SPRR2G: variants seen among roughly 807,000 people sequenced by gnomAD.
SPRR2G encodes the protein small proline-rich protein 2G.
In SPRR2G, 1 loss-of-function variant was observed where a neutral mutation model predicts 0.7. The observed-to-expected ratio is 1.49, with a 90% CI of 0.53 to 7.06. The LOEUF is 7.06. Ranked by LOEUF, SPRR2G falls within the 30% of genes most tolerant of loss-of-function variation. SPRR2G has a pLI of 0.14. For synonymous variants in SPRR2G, 38 were observed against 33.9 expected, an observed-to-expected ratio of 1.12 and a Z score of -0.42; for missense variants, 96 against 88.5, an observed-to-expected ratio of 1.09 and a Z score of -0.34.
the SPRR2G span, among the ~76,000 whole-genome samples, chr1:153,174,962 G>A: frequency 4.2e-4 from 64 of 152,284 alleles, no homozygotes; most frequent in African/African-American, 1.5e-3. Flanking sequence ...TCAGGCAGCA[G>A]GCTGTACCCT....
the SPRR2G span, among the ~76,000 whole-genome samples, chr1:153,165,795 C>A: frequency 6.6e-6 from 1 of 152,152 alleles, no homozygotes; most frequent in African/African-American, 2.4e-5. Flanking sequence ...TTATTTCAGT[C>A]CTTCTGGTGT....
the SPRR2G span, among the ~76,000 whole-genome samples, chr1:153,194,294 T>G: frequency 6.6e-6 from 1 of 152,102 alleles, no homozygotes; most frequent in Non-Finnish European, 1.5e-5. Flanking sequence ...ATAGAATATA[T>G]CAAAACACAG....
chr1:153,189,556 T>C, the SPRR2G span, among the ~76,000 whole-genome samples: 1 of 152,208 alleles, frequency 6.6e-6, no homozygotes, highest in African/African-American at 2.4e-5. Flanking sequence ...TATCTGTTGA[T>C]AGTTTCCATC....
the SPRR2G span, among the ~76,000 whole-genome samples, chr1:153,181,942 G>A: frequency 6.6e-6 from 1 of 152,014 alleles, no homozygotes; most frequent in African/African-American, 2.4e-5. Context: ...ATACTTAGTA[G>A]TGGGATTGCA....
chr1:153,197,704 G>A, the SPRR2G span, among the ~76,000 whole-genome samples: 1 of 152,188 alleles, frequency 6.6e-6, no homozygotes, highest in Non-Finnish European at 1.5e-5. Context: ...CATGTTCAGA[G>A]ATGGTATCTC....
At chr1:153,193,027 A>G in the SPRR2G span, among the ~76,000 whole-genome samples, 2 of 152,088 alleles carry the variant, frequency 1.3e-5, no homozygotes, top group Admixed American at 1.3e-4. Context: ...ATTTTGAGAG[A>G]TTAGGTAAAC....
upstream of SPRR2G, among the ~76,000 whole-genome samples, chr1:153,151,477 G>GA (rs1489800087): frequency 2.0e-5 from 3 of 152,150 alleles, no homozygotes; most frequent in African/African-American, 2.4e-5. Context: ...TAATGGGCTT[G>GA]AACAAGGCAA....
chr1:153,174,316 G>A, the SPRR2G span, among the ~76,000 whole-genome samples: 10 of 152,274 alleles, frequency 6.6e-5, no homozygotes, highest in African/African-American at 2.4e-4. Context: ...CAGAAAAAGG[G>A]TTTATTAAAA....
chr1:153,151,261 A>G (rs1175635497), upstream of SPRR2G, among the ~76,000 whole-genome samples: 4 of 152,226 alleles, frequency 2.6e-5, no homozygotes, highest in Non-Finnish European at 4.4e-5. Context: ...TCTCTTTAGT[A>G]GAGACCAGTA....
the SPRR2G span, among the ~76,000 whole-genome samples, chr1:153,160,663 C>T: frequency 1.3e-5 from 2 of 152,068 alleles, no homozygotes; most frequent in Non-Finnish European, 2.9e-5. Context: ...CTAGTTCAAC[C>T]ATTGTGGAAG....
At chr1:153,199,738 GT>G in the SPRR2G span, among the ~76,000 whole-genome samples, 2 of 152,064 alleles carry the variant, frequency 1.3e-5, no homozygotes, top group Non-Finnish European at 2.9e-5. Context: ...GTAAATAGAA[GT>G]TATTTTTATA....
the SPRR2G span, among the ~76,000 whole-genome samples, chr1:153,189,919 T>G: frequency 1.7e-4 from 26 of 152,186 alleles, no homozygotes; most frequent in African/African-American, 6.3e-4. Flanking sequence ...AAGCCTCCTG[T>G]AGGGTGGGCA....
At chr1:153,150,218 A>C (rs531017567) in intron 1 of SPRR2G, 87 bp from the exon 2 acceptor site, 31 of 1,549,764 alleles carry the variant, frequency 2.0e-5, no homozygotes, top group African/African-American at 1.2e-4. Context: ...TCCAGTATCT[A>C]GGGACCAACT....
the SPRR2G span, among the ~76,000 whole-genome samples, chr1:153,193,768 G>A: frequency 2.0e-5 from 3 of 152,086 alleles, no homozygotes; most frequent in African/African-American, 7.2e-5. Context: ...AAGACCTGAG[G>A]TGCTGCTGAG....
the SPRR2G span, among the ~76,000 whole-genome samples, chr1:153,185,289 C>T: frequency 4.7e-5 from 7 of 150,442 alleles, no homozygotes; most frequent in African/African-American, 1.7e-4. Context: ...GGTACCAGCT[C>T]CTCTTTGTAC....
the SPRR2G span, among the ~76,000 whole-genome samples, chr1:153,156,462 A>G: frequency 6.6e-6 from 1 of 152,250 alleles, no homozygotes; most frequent in Non-Finnish European, 1.5e-5. Flanking sequence ...AATTGTCTAA[A>G]GAATTTTAAG....
the SPRR2G span, chr1:153,191,737 T>G: frequency 6.6e-6 from 1 of 152,114 alleles, no homozygotes; most frequent in Non-Finnish European, 1.5e-5. Flanking sequence ...CAACCACTGG[T>G]CTAGGGCATG....
the SPRR2G span, among the ~76,000 whole-genome samples, chr1:153,174,238 A>G: frequency 6.6e-6 from 1 of 152,234 alleles, no homozygotes; most frequent in African/African-American, 2.4e-5. Flanking sequence ...TGTAATTAAT[A>G]GCATTTAGTT....
the SPRR2G span, among the ~76,000 whole-genome samples, chr1:153,168,899 A>T: frequency 8.8e-3 from 799 of 91,036 alleles, 11 homozygotes; most frequent in Middle Eastern, 0.035. Flanking sequence ...TGTACTCATG[A>T]GTGTATGTGT....
Sources: allele counts gnomAD v4.1 joint callset (sites outside exome capture counted in the v4.1 genomes callset), GRCh38; gene constraint gnomAD v4.1.1; transcripts MANE v1.5; gene names NCBI Gene and HGNC (gene_info 2026-07-23, HGNC 2026-07-21).